ATAD1: variants seen among roughly 807,000 people sequenced by gnomAD.
ATAD1 encodes ATPase family AAA domain containing 1.
A neutral mutation model predicts 42.7 loss-of-function variants in ATAD1; 18 were observed. That is an observed-to-expected ratio of 0.42 (90% CI 0.29 to 0.63). The LOEUF is 0.63. ATAD1 is among the 20% of genes least tolerant of loss of function. The pLI is 0.19. For synonymous variants in ATAD1, 132 were observed against 143.1 expected, an observed-to-expected ratio of 0.92 and a Z score of 0.55; for missense variants, 294 against 440.4, an observed-to-expected ratio of 0.67 and a Z score of 2.98.
intron 1 of ATAD1, among the ~76,000 whole-genome samples, chr10:87,826,684 A>G (rs1857736155): frequency 6.6e-6 from 1 of 152,146 alleles, no homozygotes. Context: ...CTTTCCATAT[A>G]TAGTCATCAT....
chr10:87,777,443 C>T (rs1406643681), intron 5 of ATAD1, among the ~76,000 whole-genome samples: 1 of 151,970 alleles, frequency 6.6e-6, no homozygotes, highest in African/African-American at 2.4e-5. Flanking sequence ...TATTATAGCT[C>T]AGGGATGGAT....
chr10:87,774,743 G>C (rs1334460075), intron 6 of ATAD1, among the ~76,000 whole-genome samples: 1 of 151,884 alleles, frequency 6.6e-6, no homozygotes, highest in Non-Finnish European at 1.5e-5. Context: ...TTGAGCTCAG[G>C]AGTTCAAGAC....
At chr10:87,797,324 G>A (rs1303145458) in intron 2 of ATAD1, among the ~76,000 whole-genome samples, 2 of 150,272 alleles carry the variant, frequency 1.3e-5, no homozygotes, top group East Asian at 2.0e-4. Flanking sequence ...AAAGAGGAAA[G>A]AAAAAAAAAC....
chr10:87,784,425 CT>C lies in ATAD1; in HGVS notation c.583+44del, dbSNP rs775808607. 18 of 1,567,782 alleles carry C rather than the reference CT, an allele frequency of 1.1e-5. No individual in the cohort carries two copies. In the Admixed American group the frequency reaches 1.7e-4, roughly 15 times the overall value. On this transcript the variant is annotated intron_variant, in intron 5 of 9. Coordinates refer to ENST00000680024, the MANE Select transcript of ATAD1 (RefSeq NM_001321967.2). ...ACTAAATCTGGTTATCTAAATATCT[CT>C]AAAAATGGCCTTTAAAAATACTCAT...
At chr10:87,767,847 AC>A in intron 7 of ATAD1, 124 bp from the exon 8 acceptor site, 1 of 897,780 alleles carries the variant, frequency 1.1e-6, no homozygotes, top group Non-Finnish European at 1.7e-6. Context: ...GATGACAGAA[AC>A]TTTGAAGAGG....
At chr10:87,836,440 T>C (rs751998838) in intron 1 of ATAD1, among the ~76,000 whole-genome samples, 1 of 152,248 alleles carries the variant, frequency 6.6e-6, no homozygotes. Flanking sequence ...TCATGAAGGA[T>C]ATTTGTGCTA....
At chr10:87,825,843 A>T (rs955257041) in intron 1 of ATAD1, among the ~76,000 whole-genome samples, 2 of 152,122 alleles carry the variant, frequency 1.3e-5, no homozygotes, top group African/African-American at 4.8e-5. Context: ...CTGGGATTAC[A>T]GGTAGGAGCC....
At chr10:87,815,179 A>G (rs964740915) in intron 1 of ATAD1, among the ~76,000 whole-genome samples, 1 of 152,102 alleles carries the variant, frequency 6.6e-6, no homozygotes, top group Admixed American at 6.5e-5. Flanking sequence ...GAGCCACACT[A>G]TTGTTCCCAA....
chr10:87,763,959 A>G (rs918277077), intron 8 of ATAD1, among the ~76,000 whole-genome samples: 21 of 152,162 alleles, frequency 1.4e-4, no homozygotes, highest in African/African-American at 4.8e-4. Context: ...ATTTATGCAG[A>G]GAAAAAGAAT....
At chr10:87,786,735 T>C (rs373370875) in intron 4 of ATAD1, among the ~76,000 whole-genome samples, 1 of 152,134 alleles carries the variant, frequency 6.6e-6, no homozygotes, top group East Asian at 1.9e-4. Context: ...GGTGGGCAGA[T>C]CACGAGGTGA....
chr10:87,778,263 C>T (rs1855405520), intron 5 of ATAD1, among the ~76,000 whole-genome samples: 2 of 149,582 alleles, frequency 1.3e-5, no homozygotes, highest in South Asian at 4.2e-4. Context: ...ATGGCAAAAC[C>T]CCTCCTCTAT....
At chr10:87,787,717 G>C (rs1855904948) in intron 4 of ATAD1, among the ~76,000 whole-genome samples, 1 of 151,884 alleles carries the variant, frequency 6.6e-6, no homozygotes, top group Non-Finnish European at 1.5e-5. Context: ...TTTCTTTTTT[G>C]GACAACTGTT....
chr10:87,798,140 G>A (rs1344810030), intron 2 of ATAD1, among the ~76,000 whole-genome samples: 1 of 152,136 alleles, frequency 6.6e-6, no homozygotes, highest in Non-Finnish European at 1.5e-5. Context: ...CAGAGGTCAT[G>A]GACCTCTGGA....
chr10:87,763,466 C>G (rs941034759), intron 8 of ATAD1, among the ~76,000 whole-genome samples: 2 of 152,154 alleles, frequency 1.3e-5, no homozygotes, highest in Non-Finnish European at 2.9e-5. Flanking sequence ...CAAAACCTGC[C>G]TGGATAACAG....
At chr10:87,831,631 G>A (rs1001226277) in intron 1 of ATAD1, among the ~76,000 whole-genome samples, 1 of 152,136 alleles carries the variant, frequency 6.6e-6, no homozygotes, top group African/African-American at 2.4e-5. Context: ...TTTTGAGGGA[G>A]AGACTCAAGT....
upstream of ATAD1, chr10:87,819,143 C>T (rs1266693322): frequency 6.6e-6 from 1 of 151,944 alleles, no homozygotes; most frequent in East Asian, 1.9e-4. Context: ...AATTCTGCAG[C>T]TTGGCCAGCG....
At chr10:87,837,552 G>A (rs1857951829) in intron 1 of ATAD1, among the ~76,000 whole-genome samples, 1 of 152,154 alleles carries the variant, frequency 6.6e-6, no homozygotes, top group Admixed American at 6.5e-5. Context: ...TTGAAGGTGA[G>A]TCTAGGAGGT....
chr10:87,771,185 C>T, intron 6 of ATAD1, 144 bp from the exon 7 acceptor site: 1 of 566,806 alleles, frequency 1.8e-6, no homozygotes. Flanking sequence ...CACTATTATT[C>T]AACTATTTAC....
intron 6 of ATAD1, among the ~76,000 whole-genome samples, chr10:87,774,901 G>A (rs1036488390): frequency 3.9e-5 from 6 of 152,054 alleles, no homozygotes; most frequent in Middle Eastern, 3.2e-3. Context: ...TGCAGTGAGA[G>A]CCATGTTCAC....
Sources: gnomAD v4.1 joint callset for allele counts (sites outside exome capture counted in the v4.1 genomes callset) on GRCh38, gnomAD v4.1.1 for gene constraint, MANE v1.5 for transcripts, NCBI Gene and HGNC (gene_info 2026-07-23, HGNC 2026-07-21) for gene names.